The following ABCB5 variants were observed in gnomAD, a reference collection of about 807,000 sequenced individuals.
ABCB5 encodes ATP binding cassette subfamily B member 5.
In ABCB5, 155 loss-of-function variants were observed where a neutral mutation model predicts 144.2. The observed-to-expected ratio is 1.08, with a 90% confidence interval of 0.94 to 1.23. The LOEUF (loss-of-function observed/expected upper bound fraction) is 1.23, where lower values mean the gene tolerates loss of function less well. Among genes scored for constraint, ABCB5 ranks in the 50% most tolerant of loss-of-function variants. ABCB5 has a pLI of 0.00. For synonymous variants in ABCB5, 610 were observed against 528.6 expected (o/e 1.15, Z -2.11); for missense variants, 1,830 against 1,520.8 (o/e 1.20, Z -3.38).
Position 20,650,143 on chromosome 7 carries a change from G to A in ABCB5, c.1328G>A (p.Gly443Asp). Reference protein sequence around the residue: ...LLQRLYDPDDGFIMVDENDIR... With the variant: ...LLQRLYDPDDDFIMVDENDIR... ...CAGAGGTTATATGATCCGGATGATG[G>A]CTTTGTAAGTGCAGCTAGCAAAACC... The change falls in exon 12 of 28, where the codon GGC becomes GAC. Residue 443 changes from glycine to aspartate, a missense_variant. Physicochemically the swap from Gly to Asp is moderately conservative, Grantham distance 94. Coordinates refer to ENST00000404938, the MANE Select transcript of ABCB5 (RefSeq NM_001163941.2). The A allele has an allele frequency of 1.2e-6, 2 of 1,613,384 alleles. No homozygotes were observed. Among genetic ancestry groups the A allele is most frequent in the Non-Finnish European group, 1.7e-6 (2 of 1,179,488 alleles).
rs192228310 is a variant in ABCB5, at chr7:20,686,989, A to G, written c.2010+1153A>G. Among the ~76,000 whole-genome samples the G allele has an allele frequency of 4.6e-3, 696 of 152,286 alleles. 3 individuals carry two copies. Among genetic ancestry groups the G allele is most frequent in the Non-Finnish European group, 7.3e-3 (495 of 68,038 alleles). Reference sequence around the variant, plus strand: ...TTTAGGTATGTGGTCCTCTATAGCCATTTACACTCAGACATTTTTCCTTTT... The same window carrying G: ...TTTAGGTATGTGGTCCTCTATAGCCGTTTACACTCAGACATTTTTCCTTTT... On this transcript the variant is annotated intron_variant, in intron 16 of 27. Coordinates refer to ENST00000404938, the MANE Select transcript of ABCB5 (RefSeq NM_001163941.2).
chr7:20,735,855 G>C (rs906455748), intron 23 of ABCB5, among the ~76,000 whole-genome samples: 15 of 152,222 alleles, frequency 9.9e-5, no homozygotes, highest in African/African-American at 3.6e-4. Context: ...TTCTGAGCTA[G>C]AGTCTCCTCA....
intron 14 of ABCB5, among the ~76,000 whole-genome samples, chr7:20,673,583 T>C (rs1785517487): frequency 6.6e-6 from 1 of 152,002 alleles, no homozygotes; most frequent in South Asian, 2.1e-4. Context: ...AGCCACTCCA[T>C]TTTTCTTTTA....
At chr7:20,710,105 C>T (rs1458208482) in intron 20 of ABCB5, among the ~76,000 whole-genome samples, 2 of 147,454 alleles carry the variant, frequency 1.4e-5, no homozygotes, top group Non-Finnish European at 3.0e-5. Flanking sequence ...TGGTGGCTCA[C>T]GCCTGTAATC....
chr7:20,733,448 C>A (rs2128052936), intron 23 of ABCB5, among the ~76,000 whole-genome samples: 1 of 151,978 alleles, frequency 6.6e-6, no homozygotes, highest in African/African-American at 2.4e-5. Context: ...TAATTAAATT[C>A]ATTAAAAGGG....
At chr7:20,626,338 T>A (rs1313675026) in intron 2 of ABCB5, among the ~76,000 whole-genome samples, 1 of 152,192 alleles carries the variant, frequency 6.6e-6, no homozygotes, top group Non-Finnish European at 1.5e-5. Context: ...ACCACAACTT[T>A]AAAAAATTCT....
intron 14 of ABCB5, among the ~76,000 whole-genome samples, chr7:20,664,392 T>C (rs1165986864): frequency 6.6e-6 from 1 of 152,226 alleles, no homozygotes; most frequent in Non-Finnish European, 1.5e-5. Flanking sequence ...AATTCTCTTT[T>C]ATAAATTTAG....
chr7:20,752,168 G>A (rs1782951672), intron 26 of ABCB5, among the ~76,000 whole-genome samples: 1 of 152,208 alleles, frequency 6.6e-6, no homozygotes, highest in African/African-American at 2.4e-5. Flanking sequence ...GCTGCTACAG[G>A]ATTAATCTTT....
rs754794923 is a variant in ABCB5, at chr7:20,643,376, G to GT, written c.506+2dup. On this transcript the variant is annotated splice_donor_variant, in intron 6 of 27. Transcript: ENST00000404938. LOFTEE classifies it high-confidence loss of function. ...GTGAACTTAACACTCGCATGACAGA[G>GT]TAAGAGGATGATATTGTAGTACGTT... 2 of 1,613,866 alleles carry GT rather than the reference G, an allele frequency of 1.2e-6. No individual in the cohort carries two copies. Among genetic ancestry groups the GT allele is most frequent in the South Asian group, 2.2e-5 (2 of 91,082 alleles).
chr7:20,623,810 A>T (rs1009306574), intron 2 of ABCB5, among the ~76,000 whole-genome samples: 2 of 152,234 alleles, frequency 1.3e-5, no homozygotes, highest in Non-Finnish European at 2.9e-5. Context: ...TTTAAATGGA[A>T]ATAGTTTTAC....
intron 23 of ABCB5, among the ~76,000 whole-genome samples, chr7:20,729,753 A>G (rs1369254944): frequency 1.3e-5 from 2 of 152,218 alleles, no homozygotes; most frequent in African/African-American, 4.8e-5. Context: ...CAAGCCCACC[A>G]AAAAATGCAC....
intron 20 of ABCB5, among the ~76,000 whole-genome samples, chr7:20,711,778 C>CACTTTCTTTCTTTCTTTCTTTCTTTCTT (rs1787047186): frequency 2.1e-5 from 1 of 47,110 alleles, no homozygotes; most frequent in South Asian, 8.7e-4. Flanking sequence ...TTCCTTCTTT[C>CACTTTCTTTCTTTCTTTCTTTCTTTCTT]TCTTTCTTTC....
intron 25 of ABCB5, among the ~76,000 whole-genome samples, chr7:20,744,692 A>C (rs1002248496): frequency 5.9e-5 from 9 of 152,118 alleles, no homozygotes; most frequent in Non-Finnish European, 1.2e-4. Flanking sequence ...CAGCACACCA[A>C]CATGGCACAT....
At chr7:20,621,603 T>C (rs1783806658) in intron 1 of ABCB5, among the ~76,000 whole-genome samples, 1 of 152,088 alleles carries the variant, frequency 6.6e-6, no homozygotes, top group South Asian at 2.1e-4. Flanking sequence ...CAATACTTTT[T>C]TCAATTCTTC....
At chr7:20,628,918 C>T in intron 4 of ABCB5, 80 bp downstream of exon 4, 2 of 1,455,260 alleles carry the variant, frequency 1.4e-6, no homozygotes, top group Non-Finnish European at 1.9e-6. Context: ...GCTAGCAAGG[C>T]AGATTATTGT....
At chr7:20,654,561 C>T (rs970552944) in intron 13 of ABCB5, among the ~76,000 whole-genome samples, 5 of 152,134 alleles carry the variant, frequency 3.3e-5, no homozygotes, top group Non-Finnish European at 7.4e-5. Flanking sequence ...CAAGTGCACA[C>T]GCAACATTCT....
chr7:20,646,373 G>A (rs571984329), intron 9 of ABCB5, among the ~76,000 whole-genome samples: 1 of 152,266 alleles, frequency 6.6e-6, no homozygotes, highest in Admixed American at 6.5e-5. Flanking sequence ...TCCGCTTTTG[G>A]AAGAATCATA....
At chr7:20,749,625 A>T (rs1319829157) in intron 26 of ABCB5, among the ~76,000 whole-genome samples, 1 of 152,078 alleles carries the variant, frequency 6.6e-6, no homozygotes, top group Non-Finnish European at 1.5e-5. Context: ...AAGATAGGAC[A>T]AATATAGTCC....
intron 20 of ABCB5, among the ~76,000 whole-genome samples, chr7:20,714,620 G>A (rs116319013): frequency 0.01 from 1,591 of 151,984 alleles, 25 homozygotes; most frequent in African/African-American, 0.037. Context: ...GCTTGTTCTC[G>A]GTCGCACTGA....
Sources: gnomAD v4.1 joint callset for allele counts (sites outside exome capture counted in the v4.1 genomes callset) on GRCh38, gnomAD v4.1.1 for gene constraint, MANE v1.5 for transcripts, NCBI Gene and HGNC (gene_info 2026-07-23, HGNC 2026-07-21) for gene names.